Variants in PCDHGB1 observed in about 807,000 individuals in gnomAD.
PCDHGB1 encodes the protein protocadherin gamma-B1.
A neutral mutation model predicts 56.6 loss-of-function variants in PCDHGB1; 34 were observed. The observed-to-expected ratio is 0.60, with a 90% CI of 0.46 to 0.80. The LOEUF is 0.80. PCDHGB1 is among the 30% of genes least tolerant of loss of function. The pLI is 0.00. For missense variants in PCDHGB1, 1,278 were observed against 1,204.6 expected, an observed-to-expected ratio of 1.06 and a Z score of -0.90; for synonymous variants, 561 against 505.9, an observed-to-expected ratio of 1.11 and a Z score of -1.46.
At position 141,477,217 on chromosome 5, in the gene PCDHGB1, G is replaced by T. The variant is rs745497348; in HGVS notation, c.2410-17590G>T. On this transcript the variant is annotated intron_variant, in intron 1 of 3. Transcript: ENST00000523390. This position sits in a 1 kb window ranked among gnomAD's most constrained non-coding sequence, Gnocchi z 4.9. ...GCCCAGTACCCGAGGATGCCCCTCTGGGGACTGTCATCGCTTTGCTCAGTG... is the reference window on the plus strand; with the variant it reads ...GCCCAGTACCCGAGGATGCCCCTCTTGGGACTGTCATCGCTTTGCTCAGTG... The T allele has an allele frequency of 8.1e-6, 13 of 1,614,178 alleles. No homozygotes were observed. The African/African-American group carries it at 1.7e-4, about 22-fold the overall frequency.
chr5:141,364,267 T>C, intron 1 of PCDHGB1: 1 of 1,511,636 alleles, frequency 6.6e-7, no homozygotes, highest in Non-Finnish European at 8.8e-7. Flanking sequence ...CCCATCGGCT[T>C]TAGATAAATA....
In PCDHGB1 at chr5:141,512,903, C is replaced by G. The variant is rs2099884492; in HGVS notation, c.*1730C>G. On this transcript the variant is annotated 3_prime_UTR_variant, in exon 4 of 4. Coordinates refer to ENST00000523390, the MANE Select transcript of PCDHGB1 (RefSeq NM_018922.3). ...CCCCACCCTCTTCCTGTGTCTCACG[C>G]AAGTTTTATACTCTAATATTTATAT... 6.6e-6 allele frequency: 1 copy of G among 152,224 alleles called. No homozygotes were observed. Among genetic ancestry groups the G allele is most frequent in the African/African-American group, 2.4e-5 (1 of 41,452 alleles). 9.4% of individuals were successfully genotyped at this position (152,224 alleles called of 1,614,324 possible).
intron 1 of PCDHGB1, chr5:141,428,158 G>C (rs776350833): frequency 3.8e-6 from 6 of 1,577,610 alleles, no homozygotes; most frequent in Non-Finnish European, 5.2e-6. Context: ...GGAACCTGCT[G>C]GTTGCTGTGC....
intron 1 of PCDHGB1, chr5:141,412,314 A>G (rs913648948): frequency 6.6e-6 from 1 of 152,240 alleles, no homozygotes; most frequent in African/African-American, 2.4e-5. Flanking sequence ...CAATGCAAAC[A>G]GTTTAATTTG....
chr5:141,475,951 G>A, intron 1 of PCDHGB1: 4 of 766,902 alleles, frequency 5.2e-6, no homozygotes, highest in South Asian at 1.9e-5. Flanking sequence ...CCCTTTCTGC[G>A]CCCCGGGATG....
At chr5:141,474,912 C>T (rs1018411233) in intron 1 of PCDHGB1, among the ~76,000 whole-genome samples, 6 of 152,214 alleles carry the variant, frequency 3.9e-5, no homozygotes, top group African/African-American at 1.2e-4. Flanking sequence ...CAAGGATATA[C>T]ATCTCATCTC....
chr5:141,360,908 G>GCTTC, intron 1 of PCDHGB1: 1 of 1,614,016 alleles, frequency 6.2e-7, no homozygotes, highest in African/African-American at 1.3e-5. Flanking sequence ...GTGCCGCCGG[G>GCTTC]CTTCTTTGTG....
At chr5:141,367,872 ATTC>A (rs771117453) in intron 1 of PCDHGB1, 5 of 152,254 alleles carry the variant, frequency 3.3e-5, no homozygotes, top group African/African-American at 9.6e-5. Context: ...TGTAGGTGCA[ATTC>A]TTCTTTATTA....
At chr5:141,369,497 C>A (rs1027825158) in intron 1 of PCDHGB1, among the ~76,000 whole-genome samples, 3 of 151,926 alleles carry the variant, frequency 2.0e-5, no homozygotes, top group Non-Finnish European at 4.4e-5. Context: ...TGAAACCCCA[C>A]CTCTATAGAA....
At chr5:141,404,878 T>C (rs748965325) in intron 1 of PCDHGB1, 88 of 1,613,722 alleles carry the variant, frequency 5.5e-5, no homozygotes, top group Non-Finnish European at 7.3e-5. Context: ...AACAGAGCCT[T>C]GTGGTGGCTG....
intron 1 of PCDHGB1, among the ~76,000 whole-genome samples, chr5:141,369,405 G>A (rs537824749): frequency 6.6e-6 from 1 of 152,288 alleles, no homozygotes; most frequent in Admixed American, 6.5e-5. Flanking sequence ...GGTGGTTCAT[G>A]ACTATAATCC....
intron 1 of PCDHGB1, among the ~76,000 whole-genome samples, chr5:141,397,616 T>G (rs918214976): frequency 2.0e-5 from 3 of 152,194 alleles, no homozygotes; most frequent in Non-Finnish European, 4.4e-5. Context: ...AGGGCAATAC[T>G]TAGTTCTAGC....
intron 1 of PCDHGB1, chr5:141,382,963 A>T (rs1778642004): frequency 6.2e-7 from 1 of 1,606,674 alleles, no homozygotes. Context: ...CCTCCTGGGG[A>T]CCCCCTGGGA....
chr5:141,375,579 C>T (rs754106042), intron 1 of PCDHGB1: 6 of 1,613,996 alleles, frequency 3.7e-6, no homozygotes, highest in African/African-American at 2.7e-5. Context: ...CTCCAGGGGG[C>T]GCCCCTGTCC....
In PCDHGB1 at chr5:141,365,508, A is replaced by G. The variant is rs781290416; in HGVS notation, c.2409+12839A>G. On this transcript the variant is annotated intron_variant, in intron 1 of 3. Transcript: ENST00000523390. Reference sequence around the variant, plus strand: ...TCTATTCCTAGGAATTTGCCTTTTAAATTGGAGAAGTCAGTTGATAATTAC... The same window carrying G: ...TCTATTCCTAGGAATTTGCCTTTTAGATTGGAGAAGTCAGTTGATAATTAC... The G allele has an allele frequency of 2.2e-5, 35 of 1,613,930 alleles. No homozygotes were observed. The South Asian group carries it at 3.8e-4, about 18-fold the overall frequency.
At position 141,361,977 on chromosome 5, in the gene PCDHGB1, C is replaced by T. The variant is rs531760752; in HGVS notation, c.2409+9308C>T. 296 of 1,601,658 alleles carry T rather than the reference C, an allele frequency of 1.8e-4. No individual in the cohort carries two copies. The Admixed American group carries it at 4.9e-3, about 27-fold the overall frequency. Reference sequence around the variant, plus strand: ...ACCACGTGCTGCAGGCCAGCGAGCCCGGGCTCTTCAGCCTGGGGTTGCGCA... The same window carrying T: ...ACCACGTGCTGCAGGCCAGCGAGCCTGGGCTCTTCAGCCTGGGGTTGCGCA... On this transcript the variant is annotated intron_variant, in intron 1 of 3. Transcript: ENST00000523390.
chr5:141,496,126 C>T (rs934132550), intron 2 of PCDHGB1, among the ~76,000 whole-genome samples: 2 of 152,062 alleles, frequency 1.3e-5, no homozygotes, highest in African/African-American at 4.8e-5. Context: ...CCCTGCCCCT[C>T]ACACACTGAG....
chr5:141,447,427 C>T (rs752438597), intron 1 of PCDHGB1, among the ~76,000 whole-genome samples: 2 of 152,174 alleles, frequency 1.3e-5, no homozygotes, highest in Non-Finnish European at 2.9e-5. Context: ...CGTGAGCCAC[C>T]GCACCCGGAG....
chr5:141,456,701 G>A lies in PCDHGB1; in HGVS notation c.2410-38106G>A, dbSNP rs370086323. ...CATTACTGGCCAGGCGTGGTGGCTC[G>A]CGCCTGTAATCCCAGCACTTTGGGA... On this transcript the variant is annotated intron_variant, in intron 1 of 3. Transcript: ENST00000523390. 2.3e-4 allele frequency among the ~76,000 whole-genome samples: 35 copies of A among 152,106 alleles called. No homozygotes were observed. The South Asian group carries it at 4.8e-3, about 21-fold the overall frequency.
Sources: allele counts gnomAD v4.1 joint callset (sites outside exome capture counted in the v4.1 genomes callset), GRCh38; gene constraint gnomAD v4.1.1; non-coding constraint Gnocchi (gnomAD v3.1); transcripts MANE v1.5; gene names NCBI Gene and HGNC (gene_info 2026-07-23, HGNC 2026-07-21).